CNTNAP2: variants seen among roughly 807,000 people sequenced by gnomAD.
CNTNAP2 encodes contactin-associated protein-like 2.
Under a neutral mutation model 155.2 loss-of-function variants are expected in CNTNAP2, and 98 were observed. The observed-to-expected ratio is 0.63, with a 90% CI of 0.54 to 0.75. The LOEUF is 0.75. Among genes scored for constraint, CNTNAP2 ranks in the 30% least tolerant of loss-of-function variants. CNTNAP2 has a pLI of 0.00. For missense variants in CNTNAP2, 1,727 were observed against 1,688.1 expected (o/e 1.02, Z -0.40); for synonymous variants, 651 against 631.2 (o/e 1.03, Z -0.47).
chr7:146,186,380 T>G (rs1798624005), intron 1 of CNTNAP2, among the ~76,000 whole-genome samples: 1 of 152,198 alleles, frequency 6.6e-6, no homozygotes, highest in Admixed American at 6.6e-5. Context: ...ACTGTACACT[T>G]TCCCTCAAGA....
At chr7:147,939,321 A>G (rs1800672827) in intron 14 of CNTNAP2, among the ~76,000 whole-genome samples, 1 of 151,254 alleles carries the variant, frequency 6.6e-6, no homozygotes, top group South Asian at 2.1e-4. Context: ...GTGACTATTC[A>G]TGTAGGATTT....
chr7:147,406,763 T>G (rs556576239), intron 10 of CNTNAP2, among the ~76,000 whole-genome samples: 26 of 152,338 alleles, frequency 1.7e-4, no homozygotes, highest in African/African-American at 5.8e-4. Context: ...TGTGTTTATT[T>G]GAAATGGTTT....
chr7:147,762,769 A>C (rs1797323638), intron 13 of CNTNAP2, among the ~76,000 whole-genome samples: 2 of 147,200 alleles, frequency 1.4e-5, no homozygotes, highest in East Asian at 4.0e-4. Context: ...GAAGAAAAGG[A>C]AGGAAGGAAG....
chr7:148,125,282 C>A (rs1804690627), intron 16 of CNTNAP2, among the ~76,000 whole-genome samples: 1 of 151,888 alleles, frequency 6.6e-6, no homozygotes, highest in Non-Finnish European at 1.5e-5. Flanking sequence ...CTTTTAGGTT[C>A]AGGGGTACAT....
At chr7:146,210,043 C>G (rs73453811) in intron 1 of CNTNAP2, among the ~76,000 whole-genome samples, 2 of 152,086 alleles carry the variant, frequency 1.3e-5, no homozygotes, top group East Asian at 3.9e-4. Context: ...CTCCCTTCTC[C>G]CCCAGATTAA....
In CNTNAP2 at chr7:148,215,598, A is replaced by G. The variant is rs185408351; in HGVS notation, c.3011-1690A>G. Among the ~76,000 whole-genome samples the G allele has an allele frequency of 2.8e-3, 426 of 151,564 alleles. 2 individuals are homozygous for G. Among genetic ancestry groups the G allele is most frequent in the African/African-American group, 9.6e-3 (397 of 41,256 alleles). On this transcript the variant is annotated intron_variant, in intron 18 of 23. Transcript: ENST00000361727. ...TGTGTGGTGATGTGAGGTGGGGGCC[A>G]GGACATGTCACCCTCAATATACAAC... is the stretch of plus-strand genomic sequence containing the variant.
intron 10 of CNTNAP2, among the ~76,000 whole-genome samples, chr7:147,454,721 G>C (rs1259528470): frequency 6.6e-6 from 1 of 151,640 alleles, no homozygotes; most frequent in Non-Finnish European, 1.5e-5. Flanking sequence ...AGACGCCTTA[G>C]CCTTTCTCTT....
intron 3 of CNTNAP2, among the ~76,000 whole-genome samples, chr7:146,901,042 A>G (rs1795982458): frequency 1.3e-5 from 2 of 151,604 alleles, no homozygotes; most frequent in African/African-American, 4.8e-5. Flanking sequence ...AATAATAATA[A>G]TAATAATAAT....
chr7:147,969,995 C>T (rs181662926), intron 14 of CNTNAP2, among the ~76,000 whole-genome samples: 2 of 151,208 alleles, frequency 1.3e-5, no homozygotes, highest in African/African-American at 4.9e-5. Flanking sequence ...GGTGGTGTAA[C>T]CTTGGCTTGC....
At chr7:146,504,514 C>G (rs1032426282) in intron 1 of CNTNAP2, among the ~76,000 whole-genome samples, 2 of 152,188 alleles carry the variant, frequency 1.3e-5, no homozygotes, top group African/African-American at 4.8e-5. Context: ...TACCACTTTC[C>G]TGGTTTGATC....
chr7:147,312,089 C>G (rs1264603666), intron 9 of CNTNAP2, among the ~76,000 whole-genome samples: 2 of 151,654 alleles, frequency 1.3e-5, no homozygotes, highest in Non-Finnish European at 2.9e-5. Context: ...GTTAGTTTTT[C>G]TAGTTTGGTT....
intron 15 of CNTNAP2, among the ~76,000 whole-genome samples, chr7:148,093,955 G>T (rs187616871): frequency 3.3e-5 from 5 of 152,006 alleles, no homozygotes; most frequent in Non-Finnish European, 5.9e-5. Flanking sequence ...ACAGGATTTC[G>T]CAATGTTGCC....
chr7:147,600,322 G>A (rs1800919523), intron 12 of CNTNAP2, among the ~76,000 whole-genome samples: 1 of 152,136 alleles, frequency 6.6e-6, no homozygotes, highest in Non-Finnish European at 1.5e-5. Flanking sequence ...AATGTCCTCT[G>A]AAGAGCCAGA....
chr7:147,810,873 G>T (rs901199838), intron 13 of CNTNAP2, among the ~76,000 whole-genome samples: 1 of 152,152 alleles, frequency 6.6e-6, no homozygotes, highest in Non-Finnish European at 1.5e-5. Flanking sequence ...CCAATGAAAA[G>T]CAAGAACCGG....
intron 1 of CNTNAP2, among the ~76,000 whole-genome samples, chr7:146,193,288 G>C (rs1311987211): frequency 1.3e-5 from 2 of 152,140 alleles, no homozygotes; most frequent in African/African-American, 4.8e-5. Flanking sequence ...TCTGTGTGGG[G>C]GCTCCAACCC....
intron 3 of CNTNAP2, among the ~76,000 whole-genome samples, chr7:146,990,156 T>C (rs1798185932): frequency 6.6e-6 from 1 of 152,172 alleles, no homozygotes; most frequent in East Asian, 1.9e-4. Context: ...TGAACTTCTG[T>C]GGACTTGTTC....
chr7:147,274,049 CACACAA>C (rs1182262365), intron 8 of CNTNAP2, among the ~76,000 whole-genome samples: 1 of 151,138 alleles, frequency 6.6e-6, no homozygotes, highest in African/African-American at 2.4e-5. Flanking sequence ...CACAGACACA[CACACAA>C]ACACAGAGAC....
chr7:148,137,107 ACT>A (rs2116637124), intron 16 of CNTNAP2, among the ~76,000 whole-genome samples: 1 of 152,240 alleles, frequency 6.6e-6, no homozygotes, highest in South Asian at 2.1e-4. Flanking sequence ...GGGTCTACTA[ACT>A]CTTCTACAAC....
At chr7:147,805,482 T>C (rs1394166159) in intron 13 of CNTNAP2, among the ~76,000 whole-genome samples, 1 of 152,238 alleles carries the variant, frequency 6.6e-6, no homozygotes, top group African/African-American at 2.4e-5. Flanking sequence ...GTGGAGAAAG[T>C]GGGCATCCTT....
Sources: gnomAD v4.1 joint callset for allele counts (sites outside exome capture counted in the v4.1 genomes callset) on GRCh38, gnomAD v4.1.1 for gene constraint, MANE v1.5 for transcripts, NCBI Gene and HGNC (gene_info 2026-07-23, HGNC 2026-07-21) for gene names.